Variants in WDR70 observed in about 807,000 individuals in gnomAD.
The protein encoded by WDR70 is WD repeat-containing protein 70.
In WDR70, 53 loss-of-function variants were observed where a neutral mutation model predicts 88.6. That is an observed-to-expected ratio of 0.60 (90% CI 0.48 to 0.75). The LOEUF (loss-of-function observed/expected upper bound fraction) is 0.75, where lower values mean the gene tolerates loss of function less well. Ranked by LOEUF, WDR70 falls within the 30% of genes least tolerant of loss-of-function variation. The pLI is 0.00. For missense variants in WDR70, 610 were observed against 823.2 expected (o/e 0.74, Z 3.17); for synonymous variants, 280 against 270.0 (o/e 1.04, Z -0.36).
chr5:37,402,366 G>T (rs956540956), intron 5 of WDR70, among the ~76,000 whole-genome samples: 1 of 150,312 alleles, frequency 6.7e-6, no homozygotes, highest in Non-Finnish European at 1.5e-5. Flanking sequence ...TGATGGACAC[G>T]TAGGTTGATT....
At chr5:37,540,526 C>T (rs936118561) in intron 9 of WDR70, among the ~76,000 whole-genome samples, 10 of 152,070 alleles carry the variant, frequency 6.6e-5, no homozygotes, top group Non-Finnish European at 8.8e-5. Context: ...GGATTACAGG[C>T]GCACACTACC....
chr5:37,705,654 T>A (rs1234805726), intron 13 of WDR70, among the ~76,000 whole-genome samples: 2 of 151,732 alleles, frequency 1.3e-5, no homozygotes, highest in Non-Finnish European at 2.9e-5. Flanking sequence ...AAAAAAAAAA[T>A]ACATTTCTTG....
chr5:37,686,826 T>C (rs1746618194), intron 10 of WDR70, among the ~76,000 whole-genome samples: 1 of 151,544 alleles, frequency 6.6e-6, no homozygotes, highest in African/African-American at 2.4e-5. Flanking sequence ...GCGTTTTCCA[T>C]CTTGGTGAAT....
intron 17 of WDR70, among the ~76,000 whole-genome samples, chr5:37,750,887 C>T (rs1748787802): frequency 6.6e-6 from 1 of 152,162 alleles, no homozygotes; most frequent in African/African-American, 2.4e-5. Flanking sequence ...CAGAGAATAA[C>T]ACCTTAAATG....
chr5:37,452,360 G>T (rs1738702309), intron 7 of WDR70, among the ~76,000 whole-genome samples: 1 of 151,936 alleles, frequency 6.6e-6, no homozygotes, highest in African/African-American at 2.4e-5. Context: ...CCACCTTCCG[G>T]GTTCAAGCGA....
intron 10 of WDR70, among the ~76,000 whole-genome samples, chr5:37,625,583 G>C (rs2112513881): frequency 6.6e-6 from 1 of 152,112 alleles, no homozygotes; most frequent in South Asian, 2.1e-4. Flanking sequence ...GGAGTGCAGT[G>C]GTGTGATCTC....
chr5:37,700,004 A>G (rs956360973), intron 11 of WDR70, among the ~76,000 whole-genome samples: 4 of 152,066 alleles, frequency 2.6e-5, no homozygotes, highest in African/African-American at 9.7e-5. Context: ...AAAGCAATAA[A>G]GTAACATTCC....
rs762766293 is a variant in WDR70, at chr5:37,568,214, TA to T, written c.918-36849del. ...GTAGTGAGTGATTCTGTGAATTTTT[TA>T]GGAGAATTTTATCTCTGTAGCAGGT... is the stretch of plus-strand genomic sequence containing the variant. On this transcript the variant is annotated intron_variant, in intron 9 of 17. Transcript: ENST00000265107. Among the ~76,000 whole-genome samples the T allele has an allele frequency of 4.6e-5, 7 of 152,228 alleles. 1 individual carries two copies. The highest frequency in any genetic ancestry group is 3.9e-4 in the Admixed American group (6 of 15,276).
At chr5:37,550,932 A>G (rs369230182) in intron 9 of WDR70, among the ~76,000 whole-genome samples, 2 of 152,102 alleles carry the variant, frequency 1.3e-5, no homozygotes, top group East Asian at 3.9e-4. Context: ...TGCAGATACT[A>G]TCTTGTAACC....
chr5:37,537,076 G>A (rs775689433), intron 9 of WDR70, among the ~76,000 whole-genome samples: 3 of 152,044 alleles, frequency 2.0e-5, no homozygotes, highest in Non-Finnish European at 2.9e-5. Flanking sequence ...TCCAAACCCC[G>A]GGAATACAGA....
chr5:37,469,894 T>G (rs1352942962), intron 7 of WDR70, among the ~76,000 whole-genome samples: 16 of 152,316 alleles, frequency 1.1e-4, no homozygotes, highest in Non-Finnish European at 2.1e-4. Flanking sequence ...GACTTATATT[T>G]CTGAACATTT....
At chr5:37,615,959 A>T (rs1205122192) in intron 10 of WDR70, among the ~76,000 whole-genome samples, 1 of 152,056 alleles carries the variant, frequency 6.6e-6, no homozygotes, top group East Asian at 1.9e-4. Flanking sequence ...CCGTGTTCTG[A>T]TAAACCTAGC....
intron 8 of WDR70, among the ~76,000 whole-genome samples, chr5:37,481,894 TC>T (rs1400022620): frequency 1.3e-5 from 2 of 152,324 alleles, no homozygotes; most frequent in East Asian, 3.9e-4. Flanking sequence ...AGTTCAAAGT[TC>T]CACAGATCTC....
intron 17 of WDR70, among the ~76,000 whole-genome samples, chr5:37,739,840 T>C (rs149583783): frequency 0.029 from 4,356 of 152,032 alleles, 85 homozygotes; most frequent in Non-Finnish European, 0.04. Context: ...TTCCCCTCCC[T>C]GTGTCCATGT....
At chr5:37,675,908 A>C (rs973638333) in intron 10 of WDR70, among the ~76,000 whole-genome samples, 5 of 152,116 alleles carry the variant, frequency 3.3e-5, no homozygotes, top group African/African-American at 4.8e-5. Flanking sequence ...CGTTTATTTC[A>C]TGGAGCAGTG....
At chr5:37,601,892 A>G (rs985979003) in intron 9 of WDR70, among the ~76,000 whole-genome samples, 12 of 152,188 alleles carry the variant, frequency 7.9e-5, no homozygotes, top group Non-Finnish European at 1.5e-4. Flanking sequence ...TGCAGCCATA[A>G]AAAAGGATGA....
intron 9 of WDR70, among the ~76,000 whole-genome samples, chr5:37,564,613 C>CT (rs1742682638): frequency 1.0e-5 from 1 of 99,236 alleles, no homozygotes; most frequent in South Asian, 3.2e-4. Context: ...GAGAGCGAGG[C>CT]TTAATTCTCT....
intron 8 of WDR70, among the ~76,000 whole-genome samples, chr5:37,515,698 T>G (rs1740867005): frequency 6.6e-6 from 1 of 152,256 alleles, no homozygotes; most frequent in Admixed American, 6.5e-5. Context: ...TCTTTAATCA[T>G]AGTTTTATTT....
At chr5:37,471,857 T>C (rs1442791701) in intron 7 of WDR70, among the ~76,000 whole-genome samples, 2 of 152,018 alleles carry the variant, frequency 1.3e-5, no homozygotes, top group Non-Finnish European at 2.9e-5. Flanking sequence ...TTGAAAAGAC[T>C]GCTTTCATCA....
Sources: allele counts gnomAD v4.1 joint callset (sites outside exome capture counted in the v4.1 genomes callset), GRCh38; gene constraint gnomAD v4.1.1; transcripts MANE v1.5; gene names NCBI Gene and HGNC (gene_info 2026-07-23, HGNC 2026-07-21).